Variants in ZNF366 observed in about 807,000 individuals in gnomAD.
ZNF366 encodes the protein zinc finger protein 366, also known as dendritic cell-specific transcript protein.
Under a neutral mutation model 47.2 loss-of-function variants are expected in ZNF366, and 20 were observed. The ratio of observed to expected loss-of-function variants is 0.42; its 90% CI spans 0.30 to 0.62. ZNF366 has a LOEUF of 0.62. Among genes scored for constraint, ZNF366 ranks in the 20% least tolerant of loss-of-function variants. The pLI, the probability that ZNF366 is intolerant of heterozygous loss-of-function variation, is 0.16. For missense variants in ZNF366, 987 were observed against 976.3 expected (o/e 1.01, Z -0.15); for synonymous variants, 421 against 395.1 (o/e 1.07, Z -0.78).
At chr5:72,504,593 T>G (rs1744285577) in intron 1 of ZNF366, among the ~76,000 whole-genome samples, 1 of 152,192 alleles carries the variant, frequency 6.6e-6, no homozygotes, top group Non-Finnish European at 1.5e-5. Flanking sequence ...ATTTAGAATA[T>G]CTTCACTCAG....
intron 1 of ZNF366, among the ~76,000 whole-genome samples, chr5:72,466,981 C>A (rs1213127473): frequency 6.6e-6 from 1 of 152,078 alleles, no homozygotes; most frequent in East Asian, 1.9e-4. Flanking sequence ...CTGAAAAGGC[C>A]GAAGGGCAGT....
At chr5:72,494,500 G>A (rs1007283557) in intron 1 of ZNF366, among the ~76,000 whole-genome samples, 5 of 152,080 alleles carry the variant, frequency 3.3e-5, no homozygotes, top group African/African-American at 1.2e-4. Flanking sequence ...AAACTGAACT[G>A]TGCCTTCTAG....
rs1441044300 is a variant in ZNF366 at position 72,469,002 on chromosome 5, ACTTACT to A, written c.-14-7498_-14-7493del. Among the ~76,000 whole-genome samples, 6 of 152,350 alleles carry A rather than the reference ACTTACT, an allele frequency of 3.9e-5. No homozygotes were observed. The East Asian group carries it at 9.6e-4, about 24-fold the overall frequency. ...TTCATATATCAAATAAATTTGATAA[ACTTACT>A]CTTAGCTACACAAAAAATACATATG... On this transcript the variant is annotated intron_variant, in intron 1 of 4. Coordinates refer to ENST00000318442, the MANE Select transcript of ZNF366 (RefSeq NM_152625.3).
At chr5:72,484,470 C>T (rs1281507930) in intron 1 of ZNF366, among the ~76,000 whole-genome samples, 2 of 139,610 alleles carry the variant, frequency 1.4e-5, no homozygotes, top group Admixed American at 7.4e-5. Flanking sequence ...GGCGACAGAG[C>T]GAGACTCCGT....
intron 2 of ZNF366, among the ~76,000 whole-genome samples, chr5:72,457,050 GA>G (rs1264187587): frequency 6.6e-6 from 1 of 152,088 alleles, no homozygotes; most frequent in Non-Finnish European, 1.5e-5. Flanking sequence ...TAATGGACTT[GA>G]AAATCCCAGA....
At chr5:72,503,166 A>C (rs1274690395) in intron 1 of ZNF366, among the ~76,000 whole-genome samples, 2 of 152,188 alleles carry the variant, frequency 1.3e-5, no homozygotes, top group African/African-American at 4.8e-5. Context: ...ATGTTTACAG[A>C]TCTAAGTAAT....
intron 1 of ZNF366, among the ~76,000 whole-genome samples, chr5:72,463,318 A>G (rs1224404250): frequency 6.6e-6 from 1 of 152,232 alleles, no homozygotes; most frequent in Non-Finnish European, 1.5e-5. Flanking sequence ...CTATATACAG[A>G]CAATCCAATG....
chr5:72,444,608 TA>T (rs879452270), intron 4 of ZNF366, among the ~76,000 whole-genome samples: 2 of 138,412 alleles, frequency 1.4e-5, no homozygotes, highest in African/African-American at 2.7e-5. Context: ...CATATCACCA[TA>T]TTTTTTTTTT....
chr5:72,484,058 G>A (rs1274486897), intron 1 of ZNF366, among the ~76,000 whole-genome samples: 4 of 152,018 alleles, frequency 2.6e-5, no homozygotes, highest in Admixed American at 1.3e-4. Context: ...CCCACCTTCC[G>A]ACTGGGATGC....
chr5:72,445,140 T>G (rs553066298), intron 4 of ZNF366, among the ~76,000 whole-genome samples: 82 of 152,328 alleles, frequency 5.4e-4, no homozygotes, highest in Non-Finnish European at 9.0e-4. Context: ...TGACCTCCAG[T>G]GTCCCTGCTG....
intron 1 of ZNF366, among the ~76,000 whole-genome samples, chr5:72,483,920 T>C (rs563631842): frequency 1.3e-5 from 2 of 152,118 alleles, no homozygotes; most frequent in Admixed American, 1.3e-4. Context: ...AGTCTGAAGA[T>C]CTACTTAAAA....
At chr5:72,497,807 T>C (rs989213313) in intron 1 of ZNF366, among the ~76,000 whole-genome samples, 2 of 152,186 alleles carry the variant, frequency 1.3e-5, no homozygotes, top group African/African-American at 4.8e-5. Flanking sequence ...ATCAAGTAAA[T>C]AAAAATTGGT....
At chr5:72,448,897 A>G (rs1182252577) in intron 3 of ZNF366, among the ~76,000 whole-genome samples, 2 of 152,162 alleles carry the variant, frequency 1.3e-5, no homozygotes, top group African/African-American at 4.8e-5. Flanking sequence ...GTATTCTTGA[A>G]TGATTCATGT....
chr5:72,477,600 A>C (rs1743700088), intron 1 of ZNF366, among the ~76,000 whole-genome samples: 1 of 152,146 alleles, frequency 6.6e-6, no homozygotes, highest in Non-Finnish European at 1.5e-5. Flanking sequence ...TTAACTGAGG[A>C]CTCACCACAT....
intron 1 of ZNF366, among the ~76,000 whole-genome samples, chr5:72,486,285 T>C (rs373048693): frequency 2.0e-5 from 3 of 152,246 alleles, no homozygotes; most frequent in African/African-American, 7.2e-5. Context: ...GCCATTGGGC[T>C]TGAACATGCA....
chr5:72,461,622 T>C, intron 1 of ZNF366, 112 bp from the exon 2 acceptor site: 1 of 1,353,772 alleles, frequency 7.4e-7, no homozygotes, highest in South Asian at 1.5e-5. Flanking sequence ...TAGTACTTGC[T>C]TAATATGGAC....
chr5:72,470,404 G>T (rs114508488), intron 1 of ZNF366, among the ~76,000 whole-genome samples: 8 of 152,190 alleles, frequency 5.3e-5, no homozygotes, highest in Non-Finnish European at 1.2e-4. Context: ...ACCTTCCCCA[G>T]TGGAGTCTTT....
chr5:72,456,701 T>C (rs766890479), intron 2 of ZNF366, 106 bp from the exon 3 acceptor site: 122 of 1,155,370 alleles, frequency 1.1e-4, no homozygotes, highest in Non-Finnish European at 1.3e-4. Flanking sequence ...ACAAAGAGCT[T>C]GGTGATAGAT....
rs1742867789 is a variant in ZNF366, at chr5:72,442,262, G to C, written c.*1494C>G. The C allele has an allele frequency of 6.6e-6, 1 of 152,132 alleles. No individual in the cohort carries two copies. Among genetic ancestry groups the C allele is most frequent in the Non-Finnish European group, 1.5e-5 (1 of 68,022 alleles). 9.4% of individuals were successfully genotyped at this position (152,132 alleles called of 1,614,324 possible). On this transcript the variant is annotated 3_prime_UTR_variant, in exon 5 of 5. Transcript: ENST00000318442. Reference sequence around the variant, plus strand: ...ACAGAAATACTTATGAAGTCTCTGGGAAGTGTCCTGGAAGCCACAGAAATG... The same window carrying C: ...ACAGAAATACTTATGAAGTCTCTGGCAAGTGTCCTGGAAGCCACAGAAATG...
Sources: allele counts gnomAD v4.1 joint callset (sites outside exome capture counted in the v4.1 genomes callset), GRCh38; gene constraint gnomAD v4.1.1; transcripts MANE v1.5; gene names NCBI Gene and HGNC (gene_info 2026-07-23, HGNC 2026-07-21).